Variants in PTCD2 observed in about 807,000 individuals in gnomAD.
PTCD2 encodes pentatricopeptide repeat domain 2, also known as pentatricopeptide repeat-containing protein 2, mitochondrial.
Under a neutral mutation model 42.6 loss-of-function variants are expected in PTCD2, and 31 were observed. That is an observed-to-expected ratio of 0.73 (90% CI 0.55 to 0.98). The LOEUF is 0.98. Among genes scored for constraint, PTCD2 ranks in the 50% least tolerant of loss-of-function variants. The probability of loss-of-function intolerance (pLI) is 0.00; values close to 1 mark genes in which losing one functional copy is unlikely to be tolerated. For synonymous variants in PTCD2, 183 were observed against 170.9 expected (o/e 1.07, Z -0.55); for missense variants, 476 against 454.8 (o/e 1.05, Z -0.42).
intron 7 of PTCD2, among the ~76,000 whole-genome samples, chr5:72,342,637 A>C (rs900959008): frequency 6.6e-6 from 1 of 152,132 alleles, no homozygotes; most frequent in Non-Finnish European, 1.5e-5. Context: ...CTATGTTCTA[A>C]TTATGTATGT....
chr5:72,342,292 G>T (rs867107096), intron 7 of PTCD2, among the ~76,000 whole-genome samples: 25 of 152,036 alleles, frequency 1.6e-4, no homozygotes, highest in Admixed American at 1.3e-4. Flanking sequence ...GGTGGTTTTT[G>T]GTACGCAGTC....
Position 72,331,389 on chromosome 5 carries a change from A to G in PTCD2, c.468+14A>G, listed in dbSNP as rs1355570401. ...ATGAAAGACCAGGTTATTGTTTCCT[A>G]ATTGTTTTCTCTGCCAATGTGTGTG... On this transcript the variant is annotated intron_variant, in intron 4 of 9. Transcript: ENST00000380639. 6.5e-7 allele frequency: 1 copy of G among 1,544,500 alleles called. No homozygotes were observed. The highest frequency in any genetic ancestry group is 1.1e-5 in the South Asian group (1 of 89,698).
intron 7 of PTCD2, among the ~76,000 whole-genome samples, chr5:72,339,070 G>T (rs1032493610): frequency 2.6e-5 from 4 of 152,234 alleles, no homozygotes; most frequent in Non-Finnish European, 5.9e-5. Flanking sequence ...ATTAGCCTCA[G>T]ATGAATGAGG....
rs1270784868 is a variant in PTCD2 at position 72,365,544 on chromosome 5, A to G, written c.*7117A>G. On this transcript the variant is annotated 3_prime_UTR_variant, in exon 10 of 10. Transcript: ENST00000380639. ...AGTGCAAGTCTCATTCCTGGTAACT[A>G]ATAGTAACAGAATCTGCTGATGTAT... 1 of 152,220 alleles carries G rather than the reference A, an allele frequency of 6.6e-6. No homozygotes were observed. Among genetic ancestry groups the G allele is most frequent in the East Asian group, 1.9e-4 (1 of 5,186 alleles). The allele number at this position is 152,220 out of a possible 1,614,324, so 9.4% of individuals were successfully genotyped here.
Position 72,367,727 on chromosome 5 carries a change from G to T in PTCD2, c.*9300G>T, listed in dbSNP as rs1415561164. ...CTTTCTTTACATGCTGTGTTAAGCA[G>T]GCTTTTATCTCATTCAGGTGTTAGA... On this transcript the variant is annotated 3_prime_UTR_variant, in exon 10 of 10. Transcript: ENST00000380639. The T allele has an allele frequency of 6.6e-6, 1 of 152,252 alleles. No individual in the cohort carries two copies. Among genetic ancestry groups the T allele is most frequent in the Non-Finnish European group, 1.5e-5 (1 of 68,056 alleles). 9.4% of individuals were successfully genotyped at this position (152,252 alleles called of 1,614,324 possible).
intron 2 of PTCD2, among the ~76,000 whole-genome samples, chr5:72,324,681 T>C (rs1347589908): frequency 6.6e-6 from 1 of 152,214 alleles, no homozygotes; most frequent in South Asian, 2.1e-4. Flanking sequence ...AAGAGTCTTA[T>C]TATGTTTATA....
chr5:72,338,825 C>A, intron 7 of PTCD2, 90 bp downstream of exon 7: 1 of 707,154 alleles, frequency 1.4e-6, no homozygotes, highest in Admixed American at 2.6e-5. Context: ...TTCCTTCTGA[C>A]TGCATCGTAA....
intron 3 of PTCD2, among the ~76,000 whole-genome samples, chr5:72,330,848 C>T (rs1430140067): frequency 6.6e-6 from 1 of 152,102 alleles, no homozygotes; most frequent in Admixed American, 6.5e-5. Context: ...AACCAGCCTC[C>T]AGGAGCACAG....
At chr5:72,353,249 C>T (rs1385067744) in intron 9 of PTCD2, among the ~76,000 whole-genome samples, 3 of 152,212 alleles carry the variant, frequency 2.0e-5, no homozygotes, top group Non-Finnish European at 4.4e-5. Context: ...TGGATCCCAT[C>T]CTCTCTGACC....
intron 3 of PTCD2, among the ~76,000 whole-genome samples, chr5:72,330,817 T>G (rs1201087588): frequency 6.6e-6 from 1 of 152,190 alleles, no homozygotes; most frequent in African/African-American, 2.4e-5. Flanking sequence ...GTTGGTTGTC[T>G]GCCATCCTAT....
chr5:72,344,088 C>T (rs959231346), intron 8 of PTCD2, among the ~76,000 whole-genome samples: 25 of 152,090 alleles, frequency 1.6e-4, no homozygotes, highest in Non-Finnish European at 3.1e-4. Flanking sequence ...GCAGGAGCAA[C>T]GTGAGGGGCC....
In PTCD2 at chr5:72,328,578, C is replaced by T. The variant is rs909224021; in HGVS notation, c.350+1837C>T. The stretch of plus-strand genomic sequence containing the variant: ...AAATTGATGGCAGCCATCTTTGGGG[C>T]CTGTTGCTCCCATCTAAGAAACCAC... On this transcript the variant is annotated intron_variant, in intron 3 of 9. Coordinates refer to ENST00000380639, the MANE Select transcript of PTCD2 (RefSeq NM_024754.5). Among the ~76,000 whole-genome samples the T allele has an allele frequency of 3.3e-5, 5 of 151,850 alleles. No individual in the cohort carries two copies. The East Asian group carries it at 9.6e-4, about 29-fold the overall frequency.
intron 4 of PTCD2, among the ~76,000 whole-genome samples, chr5:72,333,825 T>TTGTTTG (rs1244005396): frequency 9.2e-5 from 14 of 152,220 alleles, no homozygotes; most frequent in African/African-American, 3.4e-4. Flanking sequence ...CATTCTGTAA[T>TTGTTTG]ATATACATAT....
At chr5:72,324,406 G>A (rs553492816) in intron 2 of PTCD2, among the ~76,000 whole-genome samples, 21 of 152,250 alleles carry the variant, frequency 1.4e-4, no homozygotes, top group African/African-American at 2.4e-4. Flanking sequence ...GATGGACTCC[G>A]CCCTTTCTAG....
intron 4 of PTCD2, among the ~76,000 whole-genome samples, 190 bp downstream of exon 4, chr5:72,331,565 G>A (rs185729098): frequency 6.6e-6 from 1 of 152,286 alleles, no homozygotes; most frequent in East Asian, 1.9e-4. Flanking sequence ...GAGTAATATA[G>A]AACAAGTGTG....
intron 1 of PTCD2, chr5:72,321,405 A>G (rs927883039): frequency 2.0e-5 from 3 of 152,218 alleles, no homozygotes; most frequent in African/African-American, 7.2e-5. Flanking sequence ...AGTCAGAGGG[A>G]ACTGTTAGAG....
chr5:72,334,874 A>G, intron 4 of PTCD2, 144 bp from the exon 5 acceptor site: 2 of 576,000 alleles, frequency 3.5e-6, no homozygotes, highest in Non-Finnish European at 3.1e-6. Flanking sequence ...AAACCTGGGT[A>G]TATAAAATAT....
rs748350081 is a variant in PTCD2, at chr5:72,364,543, A to G, written c.*6116A>G. On this transcript the variant is annotated 3_prime_UTR_variant, in exon 10 of 10. Coordinates refer to ENST00000380639, the MANE Select transcript of PTCD2 (RefSeq NM_024754.5). The stretch of plus-strand genomic sequence containing the variant: ...TCTACATTTGTTTTATATGACCCCA[A>G]GGTGCTTATGTAGCATATTATTTAT... 7 of 152,224 alleles carry G rather than the reference A, an allele frequency of 4.6e-5. No homozygotes were observed. Among genetic ancestry groups the G allele is most frequent in the Non-Finnish European group, 8.8e-5 (6 of 68,038 alleles). 9.4% of individuals were successfully genotyped at this position (152,224 alleles called of 1,614,324 possible).
At chr5:72,347,459 G>A (rs1752414877) in intron 8 of PTCD2, among the ~76,000 whole-genome samples, 1 of 152,188 alleles carries the variant, frequency 6.6e-6, no homozygotes, top group African/African-American at 2.4e-5. Flanking sequence ...GCTGAGGTGG[G>A]TGGATTATTT....
Sources: allele counts gnomAD v4.1 joint callset (sites outside exome capture counted in the v4.1 genomes callset), GRCh38; gene constraint gnomAD v4.1.1; transcripts MANE v1.5; gene names NCBI Gene and HGNC (gene_info 2026-07-23, HGNC 2026-07-21).